The following ZNF827 variants were observed in gnomAD, a reference collection of about 807,000 sequenced individuals.
The protein encoded by ZNF827 is zinc finger protein 827.
In ZNF827, 13 loss-of-function variants were observed where a neutral mutation model predicts 102.4. The ratio of observed to expected loss-of-function variants is 0.13; its 90% CI spans 0.08 to 0.20. The LOEUF is 0.20. ZNF827 is among the 10% of genes least tolerant of loss of function. The pLI, the probability that ZNF827 is intolerant of heterozygous loss-of-function variation, is 1.00. For missense variants in ZNF827, 1,103 were observed against 1,344.4 expected (o/e 0.82, Z 2.81); for synonymous variants, 523 against 536.2 (o/e 0.98, Z 0.34).
chr4:145,931,497 T>C (rs538440770), intron 1 of ZNF827, among the ~76,000 whole-genome samples: 38 of 152,356 alleles, frequency 2.5e-4, no homozygotes, highest in Admixed American at 7.2e-4. Context: ...CTAAAATCTA[T>C]GCCTTCGCCA....
intron 8 of ZNF827, among the ~76,000 whole-genome samples, chr4:145,794,592 C>CATGAGAA (rs1740177814): frequency 6.6e-6 from 1 of 151,606 alleles, no homozygotes; most frequent in Admixed American, 6.6e-5. Flanking sequence ...AAAGCTGAGG[C>CATGAGAA]TGGGCGGGGT....
Position 145,885,796 on chromosome 4 carries a change from C to T in ZNF827, c.1629G>A (p.Arg543=). The change falls in exon 4 of 15, where the codon AGG becomes AGA. Residue 543 remains arginine, a synonymous_variant. Coordinates refer to ENST00000508784, the MANE Select transcript of ZNF827 (RefSeq NM_001306215.2). The part of the protein sequence containing the change: ...PTSFTLNAAD[R]PANHTKLKDP... Reference sequence around the variant, plus strand: ...CTTTCAGCTTTGTGTGGTTGGCGGGCCTGTCGGCAGCATTCAAAGTAAAGG... The same window carrying T: ...CTTTCAGCTTTGTGTGGTTGGCGGGTCTGTCGGCAGCATTCAAAGTAAAGG... 6.2e-7 allele frequency: 1 copy of T among 1,612,874 alleles called. No homozygotes were observed.
intron 8 of ZNF827, among the ~76,000 whole-genome samples, chr4:145,803,571 ATAT>A (rs1741124836): frequency 6.6e-6 from 1 of 152,250 alleles, no homozygotes; most frequent in Non-Finnish European, 1.5e-5. Context: ...CACAGAGCTA[ATAT>A]TATCATCTTG....
chr4:145,846,072 T>A (rs1253456310), intron 6 of ZNF827, 59 bp from the exon 7 acceptor site: 2 of 1,558,198 alleles, frequency 1.3e-6, no homozygotes, highest in Non-Finnish European at 1.8e-6. Flanking sequence ...AACTTGCATC[T>A]TTTAGCCTTA....
At chr4:145,865,953 T>A (rs566726181) in intron 5 of ZNF827, among the ~76,000 whole-genome samples, 1 of 152,202 alleles carries the variant, frequency 6.6e-6, no homozygotes, top group East Asian at 1.9e-4. Context: ...GCTATTCTTT[T>A]GAGCAAAACA....
rs114467664 is a variant in ZNF827, at chr4:145,842,363, G to A, written c.2279+3593C>T. 3.5e-3 allele frequency among the ~76,000 whole-genome samples: 538 copies of A among 152,310 alleles called. 1 individual carries two copies. The highest frequency in any genetic ancestry group is 0.012 in the African/African-American group (511 of 41,576). On this transcript the variant is annotated intron_variant, in intron 7 of 14. Transcript: ENST00000508784. ...TGCAGTCACCAACCCATACGGGATGGAGAGTTAACAGCACACATCCGTGGA... is the reference window on the plus strand; with the variant it reads ...TGCAGTCACCAACCCATACGGGATGAAGAGTTAACAGCACACATCCGTGGA...
chr4:145,934,629 G>T (rs1186236901), intron 1 of ZNF827, among the ~76,000 whole-genome samples: 10 of 152,174 alleles, frequency 6.6e-5, no homozygotes, highest in Admixed American at 6.5e-4. Flanking sequence ...TGCTAGTCTG[G>T]ATTTCCAGGA....
At chr4:145,832,268 AAAACAAAC>A (rs1409434697) in intron 7 of ZNF827, 2 of 151,500 alleles carry the variant, frequency 1.3e-5, no homozygotes, top group Admixed American at 6.7e-5. Context: ...TCGTCTCAAA[AAAACAAAC>A]AAACAAACAA....
At chr4:145,798,180 G>A (rs960152089) in intron 8 of ZNF827, among the ~76,000 whole-genome samples, 2 of 152,138 alleles carry the variant, frequency 1.3e-5, no homozygotes, top group African/African-American at 4.8e-5. Flanking sequence ...AAGACAGCCT[G>A]CTCCTTTCAA....
chr4:145,891,790 A>C (rs1750625549), intron 3 of ZNF827, among the ~76,000 whole-genome samples: 1 of 152,156 alleles, frequency 6.6e-6, no homozygotes, highest in Non-Finnish European at 1.5e-5. Flanking sequence ...TTAGTTTGCA[A>C]GCTGGAGGGT....
Position 145,801,240 on chromosome 4 carries a change from C to G in ZNF827, c.2384-21729G>C, listed in dbSNP as rs556792862. ...GTAGGGAATTTGACCCTTTCAGAATCAAGACCATTGCCCTGTTAAACTTCC... is the reference window on the plus strand; with the variant it reads ...GTAGGGAATTTGACCCTTTCAGAATGAAGACCATTGCCCTGTTAAACTTCC... On this transcript the variant is annotated intron_variant, in intron 8 of 14. Coordinates refer to ENST00000508784, the MANE Select transcript of ZNF827 (RefSeq NM_001306215.2). Among the ~76,000 whole-genome samples the G allele has an allele frequency of 6.2e-4, 94 of 152,258 alleles. 1 individual carries two copies. Among genetic ancestry groups the G allele is most frequent in the Middle Eastern group, 3.4e-3 (1 of 294 alleles).
At chr4:145,910,427 C>G (rs1479463872) in intron 1 of ZNF827, among the ~76,000 whole-genome samples, 1 of 152,142 alleles carries the variant, frequency 6.6e-6, no homozygotes, top group Admixed American at 6.5e-5. Context: ...AGACCCAAAA[C>G]CATGCCACCT....
intron 3 of ZNF827, among the ~76,000 whole-genome samples, chr4:145,889,919 G>A (rs1750458348): frequency 6.6e-6 from 1 of 151,374 alleles, no homozygotes; most frequent in Admixed American, 6.6e-5. Context: ...GGAGGCTGCA[G>A]TGAGCCAAGA....
chr4:145,772,835 C>T (rs995185059), intron 11 of ZNF827, among the ~76,000 whole-genome samples: 16 of 152,238 alleles, frequency 1.1e-4, no homozygotes, highest in African/African-American at 3.9e-4. Flanking sequence ...ACAATGAGCC[C>T]TGAATCCTGC....
intron 13 of ZNF827, among the ~76,000 whole-genome samples, chr4:145,764,147 C>T (rs1342727871): frequency 5.3e-5 from 8 of 152,218 alleles, no homozygotes; most frequent in South Asian, 2.1e-4. Context: ...TCAACATGAT[C>T]GTTTAGCTGA....
intron 1 of ZNF827, among the ~76,000 whole-genome samples, chr4:145,926,830 G>A (rs1346361421): frequency 2.0e-5 from 3 of 151,288 alleles, no homozygotes; most frequent in Admixed American, 1.3e-4. Context: ...CTCTTCTTCT[G>A]CACATATTTT....
At chr4:145,791,135 C>T (rs1000383937) in intron 8 of ZNF827, among the ~76,000 whole-genome samples, 4 of 152,176 alleles carry the variant, frequency 2.6e-5, no homozygotes, top group Non-Finnish European at 5.9e-5. Context: ...GGCTTATAAA[C>T]CACAGAAATG....
At chr4:145,868,313 T>C (rs1435456992) in intron 5 of ZNF827, among the ~76,000 whole-genome samples, 3 of 152,204 alleles carry the variant, frequency 2.0e-5, no homozygotes, top group Non-Finnish European at 4.4e-5. Flanking sequence ...GATGCATATC[T>C]CTTTGACCTA....
chr4:145,824,321 T>C (rs1743449635), intron 7 of ZNF827, among the ~76,000 whole-genome samples: 1 of 152,142 alleles, frequency 6.6e-6, no homozygotes, highest in Non-Finnish European at 1.5e-5. Flanking sequence ...TAAAATAAAA[T>C]GTGAATAAGT....
Sources: allele counts gnomAD v4.1 joint callset (sites outside exome capture counted in the v4.1 genomes callset), GRCh38; gene constraint gnomAD v4.1.1; transcripts MANE v1.5; gene names NCBI Gene and HGNC (gene_info 2026-07-23, HGNC 2026-07-21).